EFNA5: variants seen among roughly 807,000 people sequenced by gnomAD.
The protein encoded by EFNA5 is ephrin-A5.
Under a neutral mutation model 22.9 loss-of-function variants are expected in EFNA5, and 5 were observed. The observed-to-expected ratio is 0.22, with a 90% CI of 0.11 to 0.46. The LOEUF (loss-of-function observed/expected upper bound fraction) is 0.46, where lower values mean the gene tolerates loss of function less well. EFNA5 is among the 20% of genes least tolerant of loss of function. The pLI, the probability that EFNA5 is intolerant of heterozygous loss-of-function variation, is 0.99. For synonymous variants in EFNA5, 113 were observed against 112.2 expected, an observed-to-expected ratio of 1.01 and a Z score of -0.04; for missense variants, 237 against 293.3, an observed-to-expected ratio of 0.81 and a Z score of 1.40.
chr5:107,545,998 T>C (rs567158993), intron 1 of EFNA5, among the ~76,000 whole-genome samples: 75 of 152,146 alleles, frequency 4.9e-4, no homozygotes, highest in Non-Finnish European at 8.4e-4. Flanking sequence ...CAACATCAAA[T>C]AACATGCCTG....
chr5:107,623,985 G>C (rs950581785), intron 1 of EFNA5, among the ~76,000 whole-genome samples: 1 of 151,842 alleles, frequency 6.6e-6, no homozygotes, highest in Non-Finnish European at 1.5e-5. Context: ...TGGGGGAGTC[G>C]CCTACTTCAT....
chr5:107,503,650 A>G (rs1747186472), intron 1 of EFNA5, among the ~76,000 whole-genome samples: 1 of 152,218 alleles, frequency 6.6e-6, no homozygotes, highest in Non-Finnish European at 1.5e-5. Flanking sequence ...TTTAAAAGTA[A>G]ATGAGGCAAA....
rs550401942 is a variant in EFNA5 at position 107,403,713 on chromosome 5, C to G, written c.419-15942G>C. ...AGATATAAATATCCCATATTCAGTT[C>G]TATTGTGAGATTTTTCAAAGGTTAT... On this transcript the variant is annotated intron_variant, in intron 2 of 4. Transcript: ENST00000333274. 6.7e-4 allele frequency among the ~76,000 whole-genome samples: 102 copies of G among 152,286 alleles called. 1 individual carries two copies. The South Asian group carries it at 0.02, about 30-fold the overall frequency.
chr5:107,429,670 G>A (rs1327966290), intron 1 of EFNA5, among the ~76,000 whole-genome samples: 1 of 152,148 alleles, frequency 6.6e-6, no homozygotes. Flanking sequence ...GGCTAATCAT[G>A]AGAACCTGCC....
intron 1 of EFNA5, among the ~76,000 whole-genome samples, chr5:107,631,375 T>TAC (rs1199481463): frequency 6.7e-6 from 1 of 149,732 alleles, no homozygotes; most frequent in Non-Finnish European, 1.5e-5. Flanking sequence ...TATACACATG[T>TAC]ACATATATAT....
At chr5:107,405,347 C>G (rs1039107402) in intron 2 of EFNA5, among the ~76,000 whole-genome samples, 1 of 152,198 alleles carries the variant, frequency 6.6e-6, no homozygotes, top group Non-Finnish European at 1.5e-5. Flanking sequence ...ACTGAGAAGG[C>G]TCTGTCTCAG....
intron 2 of EFNA5, among the ~76,000 whole-genome samples, chr5:107,407,605 C>A (rs530585117): frequency 6.6e-6 from 1 of 152,114 alleles, no homozygotes; most frequent in Non-Finnish European, 1.5e-5. Context: ...AAATTGTCCC[C>A]AAAGCTCCTC....
intron 1 of EFNA5, among the ~76,000 whole-genome samples, chr5:107,517,386 A>G (rs1186696423): frequency 6.6e-6 from 1 of 152,318 alleles, no homozygotes; most frequent in East Asian, 1.9e-4. Flanking sequence ...CAGACTGCCT[A>G]GGTCGGCCAC....
chr5:107,458,936 G>C (rs1001066939), intron 1 of EFNA5, among the ~76,000 whole-genome samples: 5 of 151,954 alleles, frequency 3.3e-5, no homozygotes, highest in Admixed American at 6.6e-5. Flanking sequence ...TTTTTTGTTT[G>C]TTGATTCTCT....
intron 1 of EFNA5, among the ~76,000 whole-genome samples, chr5:107,619,198 T>G (rs1749986234): frequency 6.6e-6 from 1 of 152,002 alleles, no homozygotes; most frequent in Non-Finnish European, 1.5e-5. Flanking sequence ...GTGCTGGGAT[T>G]ACAGGTGTGA....
At chr5:107,616,759 A>C (rs1749924890) in intron 1 of EFNA5, among the ~76,000 whole-genome samples, 1 of 152,174 alleles carries the variant, frequency 6.6e-6, no homozygotes, top group African/African-American at 2.4e-5. Flanking sequence ...AACTCACTAC[A>C]AGTTGTAATC....
At chr5:107,435,061 C>T (rs962172964) in intron 1 of EFNA5, among the ~76,000 whole-genome samples, 57 of 152,284 alleles carry the variant, frequency 3.7e-4, no homozygotes, top group African/African-American at 1.3e-3. Context: ...TCTTCAAATT[C>T]TACTATTACT....
chr5:107,442,762 T>C (rs950065516), intron 1 of EFNA5, among the ~76,000 whole-genome samples: 2 of 151,798 alleles, frequency 1.3e-5, no homozygotes, highest in Admixed American at 1.3e-4. Context: ...AAAGAAGAAA[T>C]GCTGATACTC....
intron 1 of EFNA5, among the ~76,000 whole-genome samples, chr5:107,585,602 G>A (rs1749168519): frequency 6.6e-6 from 1 of 152,184 alleles, no homozygotes; most frequent in African/African-American, 2.4e-5. Context: ...ATCTGGATGA[G>A]CCAAATTATT....
chr5:107,620,742 A>G (rs4090594), intron 1 of EFNA5, among the ~76,000 whole-genome samples: 53,169 of 152,084 alleles, frequency 0.35, 10,550 homozygotes, highest in South Asian at 0.57. Context: ...ATAGAGTTGA[A>G]AAGTCCCTCC....
At chr5:107,531,152 T>A (rs189154259) in intron 1 of EFNA5, among the ~76,000 whole-genome samples, 22 of 152,316 alleles carry the variant, frequency 1.4e-4, no homozygotes, top group African/African-American at 4.1e-4. Flanking sequence ...AGTCTCTAAC[T>A]TACCTAAAGT....
intron 1 of EFNA5, among the ~76,000 whole-genome samples, chr5:107,660,315 T>TCTATATATA (rs1750926620): frequency 9.1e-6 from 1 of 109,752 alleles, no homozygotes; most frequent in Non-Finnish European, 1.8e-5. Context: ...TATATATATA[T>TCTATATATA]TTGGCAAGTG....
chr5:107,597,308 G>A (rs780050831), intron 1 of EFNA5, among the ~76,000 whole-genome samples: 3 of 152,110 alleles, frequency 2.0e-5, no homozygotes, highest in Admixed American at 6.6e-5. Flanking sequence ...ACACAGTCTC[G>A]TCTTGGTCAA....
At chr5:107,623,325 T>C (rs541501280) in intron 1 of EFNA5, among the ~76,000 whole-genome samples, 1 of 152,308 alleles carries the variant, frequency 6.6e-6, no homozygotes, top group East Asian at 1.9e-4. Context: ...AATTTATCTC[T>C]GATCTAGATC....
Sources: gnomAD v4.1 joint callset for allele counts (sites outside exome capture counted in the v4.1 genomes callset) on GRCh38, gnomAD v4.1.1 for gene constraint, MANE v1.5 for transcripts, NCBI Gene and HGNC (gene_info 2026-07-23, HGNC 2026-07-21) for gene names.